Variants in MYO18A observed in about 807,000 individuals in gnomAD.
MYO18A encodes unconventional myosin-XVIIIa.
A neutral mutation model predicts 235.8 loss-of-function variants in MYO18A; 78 were observed. That is an observed-to-expected ratio of 0.33 (90% CI 0.28 to 0.40). The LOEUF (loss-of-function observed/expected upper bound fraction) is 0.40, where lower values mean the gene tolerates loss of function less well. MYO18A is among the 10% of genes least tolerant of loss of function. The pLI is 1.00. For missense variants in MYO18A, 2,215 were observed against 2,699.3 expected, an observed-to-expected ratio of 0.82 and a Z score of 3.98; for synonymous variants, 977 against 1,077.8, an observed-to-expected ratio of 0.91 and a Z score of 1.83.
chr17:29,093,685 G>C (rs1251808892), intron 31 of MYO18A, among the ~76,000 whole-genome samples: 1 of 151,972 alleles, frequency 6.6e-6, no homozygotes, highest in Non-Finnish European at 1.5e-5. Context: ...GTGGAGACCT[G>C]CCCGGCCAGG....
At chr17:29,089,573 C>A (rs547706203) in intron 37 of MYO18A, among the ~76,000 whole-genome samples, 6 of 151,284 alleles carry the variant, frequency 4.0e-5, no homozygotes, top group Admixed American at 2.0e-4. Flanking sequence ...AGGAGCAGAG[C>A]GAGGGCAGAT....
chr17:29,109,958 T>G lies in MYO18A; in HGVS notation c.3231A>C (p.Gly1077=), dbSNP rs2066888378. The G allele has an allele frequency of 6.8e-6, 11 of 1,609,514 alleles. No individual in the cohort carries two copies. The highest frequency in any genetic ancestry group is 8.5e-6 in the Non-Finnish European group (10 of 1,178,292). ...GCAGGAGCCCAGCCTCGCAGTGGTCTCCCGAGGGCAGGTCCAGCTCACTGC... is the reference window on the plus strand; with the variant it reads ...GCAGGAGCCCAGCCTCGCAGTGGTCGCCCGAGGGCAGGTCCAGCTCACTGC... ...SSSSELDLPS[G]DHCEAGLLQL... is the part of the protein sequence containing the mutation. Residue 1077 remains glycine (G), a synonymous_variant, in exon 19 of 42, where the codon GGA becomes GGC. Transcript: ENST00000527372. This position sits in a 1 kb window ranked among gnomAD's most constrained non-coding sequence, Gnocchi z 4.1.
At chr17:29,086,662 G>A (rs1208161938) in intron 38 of MYO18A, 85 bp from the exon 39 acceptor site, 37 of 1,500,790 alleles carry the variant, frequency 2.5e-5, no homozygotes, top group Non-Finnish European at 2.9e-5. Flanking sequence ...AGTACTTTCC[G>A]GTCATGGGGG....
chr17:29,147,859 G>T (rs1473460069), intron 2 of MYO18A, among the ~76,000 whole-genome samples: 1 of 137,514 alleles, frequency 7.3e-6, no homozygotes, highest in Admixed American at 7.8e-5. Context: ...AGTGAGCTAC[G>T]ACCATGCCAC....
At chr17:29,128,318 C>T (rs1481908081) in intron 2 of MYO18A, 1 of 1,237,144 alleles carries the variant, frequency 8.1e-7, no homozygotes, top group African/African-American at 1.6e-5. Context: ...AAGCTCCTCG[C>T]TGGGCAGCAC....
chr17:29,117,907 TGAG>T lies in MYO18A; in HGVS notation c.2038+135_2038+137del, dbSNP rs1425106542. 9.5e-7 allele frequency: 1 copy of T among 1,054,194 alleles called. No homozygotes were observed. The highest frequency in any genetic ancestry group is 1.6e-5 in the South Asian group (1 of 61,560). The allele number at this position is 1,054,194 out of a possible 1,614,324, so 65.3% of individuals were successfully genotyped here. A position where few individuals can be genotyped will look rare whatever the true frequency, so the allele number is the denominator to read the frequency against. On this transcript the variant is annotated intron_variant, in intron 10 of 41. Transcript: ENST00000527372. The surrounding 1 kb of genome is among the most constrained non-coding windows in gnomAD (Gnocchi z 4.6). ...GGCCTTCTGCTCTGAAGTGGGGGGC[TGAG>T]AAGAGGCACAAGCAAAAGAGGGTTG...
intron 30 of MYO18A, 120 bp downstream of exon 30, chr17:29,094,530 G>A: frequency 1.0e-6 from 1 of 991,692 alleles, no homozygotes; most frequent in Non-Finnish European, 1.6e-6. Context: ...GTGAGTAGGT[G>A]AGTGAGTGAA....
chr17:29,082,458 A>G lies in MYO18A; in HGVS notation c.5898-20T>C. On this transcript the variant is annotated intron_variant, in intron 40 of 41. Coordinates refer to ENST00000527372, the MANE Select transcript of MYO18A (RefSeq NM_078471.4). ...CCCTCACTGTAGGGATGAGGAGCAGAAAGGTAGACAAGGCATAGGCACCTG... is the reference window on the plus strand; with the variant it reads ...CCCTCACTGTAGGGATGAGGAGCAGGAAGGTAGACAAGGCATAGGCACCTG... 6.2e-7 allele frequency: 1 copy of G among 1,609,882 alleles called. No homozygotes were observed. The highest frequency in any genetic ancestry group is 8.5e-7 in the Non-Finnish European group (1 of 1,178,362).
intron 2 of MYO18A, among the ~76,000 whole-genome samples, chr17:29,122,758 G>A (rs1282220419): frequency 6.6e-6 from 1 of 152,236 alleles, no homozygotes; most frequent in African/African-American, 2.4e-5. Context: ...GATCTCAGCG[G>A]GGAGTCGCCT....
intron 37 of MYO18A, 62 bp downstream of exon 37, chr17:29,089,899 C>A: frequency 6.2e-7 from 1 of 1,601,400 alleles, no homozygotes; most frequent in South Asian, 1.1e-5. Context: ...TGAGCATGCG[C>A]GGCTCCAGCG....
At position 29,103,601 on chromosome 17, in the gene MYO18A, G is replaced by C; in HGVS notation, c.3505C>G (p.Arg1169Gly). 1 of 1,613,892 alleles carries C rather than the reference G, an allele frequency of 6.2e-7. No homozygotes were observed. The highest frequency in any genetic ancestry group is 8.5e-7 in the Non-Finnish European group (1 of 1,179,880). Residue 1169 changes from arginine to glycine, a missense_variant and splice_region_variant, in exon 21 of 42, where the codon CGG becomes GGG. By Grantham distance (125) the Arg-to-Gly change is moderately radical. Transcript: ENST00000527372. ...TGCCCTCCTGTGGGACAACTCACCC[G>C]GCTCAGGCCCATGCAGCAGCTGCTC... is the stretch of plus-strand genomic sequence containing the variant. ...EKSSCCMGLSRVFFRAGTLAR... is the reference protein window; with the variant it reads ...EKSSCCMGLSGVFFRAGTLAR...
At chr17:29,112,385 C>T (rs1297495182) in intron 15 of MYO18A, among the ~76,000 whole-genome samples, 1 of 152,192 alleles carries the variant, frequency 6.6e-6, no homozygotes, top group Non-Finnish European at 1.5e-5. Flanking sequence ...TGCAGGGTCA[C>T]TCAAGGGCCA....
rs1446335997 is a variant in MYO18A, at chr17:29,120,176, C to T, written c.1728+440G>A. ...CCCAAAGGGGCCCTGCTGCTCTGCC[C>T]AGACCCCAGGTGCCTGCCTTCTGGA... On this transcript the variant is annotated intron_variant, in intron 7 of 41. Transcript: ENST00000527372. This position sits in a 1 kb window ranked among gnomAD's most constrained non-coding sequence, Gnocchi z 4.2. Among the ~76,000 whole-genome samples, 1 of 152,234 alleles carries T rather than the reference C, an allele frequency of 6.6e-6. No homozygotes were observed. Among genetic ancestry groups the T allele is most frequent in the African/African-American group, 2.4e-5 (1 of 41,464 alleles).
intron 1 of MYO18A, among the ~76,000 whole-genome samples, chr17:29,170,007 G>A (rs967146927): frequency 3.3e-5 from 5 of 152,190 alleles, no homozygotes; most frequent in Non-Finnish European, 5.9e-5. Context: ...AAGGGATGGC[G>A]CTGGCCAGAA....
In MYO18A at chr17:29,071,420, C is replaced by A. The variant is rs1049035214; in HGVS notation, c.*3350G>T. 1 of 152,220 alleles carries A rather than the reference C, an allele frequency of 6.6e-6. No individual in the cohort carries two copies. The highest frequency in any genetic ancestry group is 1.5e-5 in the Non-Finnish European group (1 of 68,058). 9.4% of individuals were successfully genotyped at this position (152,220 alleles called of 1,614,324 possible). On this transcript the variant is annotated 3_prime_UTR_variant, in exon 42 of 42. Coordinates refer to ENST00000527372, the MANE Select transcript of MYO18A (RefSeq NM_078471.4). ...TGGTGGCCCTAAAGGCTCCTGGACT[C>A]CTCTGGGGCCAAGGGAATTGTCTCC...
intron 40 of MYO18A, among the ~76,000 whole-genome samples, chr17:29,082,798 CT>C: frequency 6.6e-6 from 1 of 152,322 alleles, no homozygotes; most frequent in East Asian, 1.9e-4. Context: ...GCCCTGGGTT[CT>C]TCAGTGACTC....
chr17:29,122,433 C>A (rs544242154), intron 2 of MYO18A, among the ~76,000 whole-genome samples, 180 bp from the exon 3 acceptor site: 10 of 152,150 alleles, frequency 6.6e-5, no homozygotes, highest in African/African-American at 2.4e-4. Flanking sequence ...GGTGGGGAAG[C>A]TAGGAGGCAA....
chr17:29,115,966 G>C lies in MYO18A; in HGVS notation c.2051-126C>G, dbSNP rs1047182306. On this transcript the variant is annotated intron_variant, in intron 11 of 41. Coordinates refer to ENST00000527372, the MANE Select transcript of MYO18A (RefSeq NM_078471.4). The stretch of plus-strand genomic sequence containing the variant: ...AGCCAGCCCTGATGACACCCGATGG[G>C]CTTCAGGCAGAACAGGGGCAGCCAG... 50 of 1,042,734 alleles carry C rather than the reference G, an allele frequency of 4.8e-5. No homozygotes were observed. In the Admixed American group the frequency reaches 1.3e-3, roughly 28 times the overall value. The allele number at this position is 1,042,734 out of a possible 1,614,324, so 64.6% of individuals were successfully genotyped here. A position where few individuals can be genotyped will look rare whatever the true frequency, so the allele number is the denominator to read the frequency against.
chr17:29,121,601 G>T lies in MYO18A; in HGVS notation c.1317C>A (p.Gly439=). 1 of 1,598,788 alleles carries T rather than the reference G, an allele frequency of 6.3e-7. No homozygotes were observed. ...GGGGGCCAAGAACCAGCAGGCTGGG[G>T]CCAGCATACGTGTGCAGCAGGCTAG... ...YGASLLHTYA[G]PSLLVLGPRG... is the part of the protein sequence containing the mutation. Residue 439 remains glycine (G), a synonymous_variant, in exon 5 of 42, where the codon GGC becomes GGA. Coordinates refer to ENST00000527372, the MANE Select transcript of MYO18A (RefSeq NM_078471.4). The surrounding 1 kb of genome is among the most constrained non-coding windows in gnomAD (Gnocchi z 4.2).
Sources: allele counts gnomAD v4.1 joint callset (sites outside exome capture counted in the v4.1 genomes callset), GRCh38; gene constraint gnomAD v4.1.1; non-coding constraint Gnocchi (gnomAD v3.1); transcripts MANE v1.5; gene names NCBI Gene and HGNC (gene_info 2026-07-23, HGNC 2026-07-21).